UTP20: variants seen among roughly 807,000 people sequenced by gnomAD.
UTP20 encodes UTP20 small subunit processome component.
Under a neutral mutation model 329.5 loss-of-function variants are expected in UTP20, and 164 were observed. The observed-to-expected ratio is 0.50, with a 90% confidence interval of 0.44 to 0.57. The LOEUF (loss-of-function observed/expected upper bound fraction) is 0.57. Among genes scored for constraint, UTP20 ranks in the 20% least tolerant of loss-of-function variants. UTP20 has a pLI of 0.00. For synonymous variants in UTP20, 1,151 were observed against 1,159.3 expected (o/e 0.99, Z 0.14); for missense variants, 3,055 against 3,284.2 (o/e 0.93, Z 1.71).
intron 52 of UTP20, among the ~76,000 whole-genome samples, 190 bp from the exon 53 acceptor site, chr12:101,373,211 G>A (rs891343913): frequency 1.3e-5 from 2 of 152,100 alleles, no homozygotes; most frequent in African/African-American, 4.8e-5. Flanking sequence ...GTTGAAATCT[G>A]ACACACTTAC....
At chr12:101,292,194 A>G in intron 10 of UTP20, 90 bp downstream of exon 10, 1 of 1,396,796 alleles carries the variant, frequency 7.2e-7, no homozygotes, top group Non-Finnish European at 9.6e-7. Context: ...AGTGTGACAA[A>G]GGCTCTGCCC....
chr12:101,312,312 G>GGCATGAAGAAGAGAATGTGA, intron 21 of UTP20, 36 bp downstream of exon 21: 1 of 1,604,648 alleles, frequency 6.2e-7, no homozygotes, highest in African/African-American at 1.3e-5. Context: ...TCCCTGGTGG[G>GGCATGAAGAAGAGAATGTGA]GCATGAAGAA....
rs140126567 is a variant in UTP20, at chr12:101,321,612, A to T, written c.3024A>T (p.Leu1008=). The change falls in exon 25 of 62, where the codon CTA becomes CTT. Residue 1008 remains leucine, a synonymous_variant. Transcript: ENST00000261637. ...TGAAAACAGCCCACCGAGCAGATCT[A>T]TTTCCTATTCTGATGAGGTATTTAT... ...AVVKTAHRAD[L]FPILMRILYG... 5 of 1,613,506 alleles carry T rather than the reference A, an allele frequency of 3.1e-6. No individual in the cohort carries two copies. The South Asian group carries it at 3.3e-5, about 11-fold the overall frequency.
intron 2 of UTP20, among the ~76,000 whole-genome samples, chr12:101,282,446 A>G (rs375679219): frequency 3.7e-5 from 5 of 136,436 alleles, no homozygotes; most frequent in African/African-American, 1.4e-4. Flanking sequence ...CAGTGTGGTT[A>G]TAGGTGTGTA....
chr12:101,285,204 A>T (rs1161993412), intron 2 of UTP20, among the ~76,000 whole-genome samples: 1 of 152,222 alleles, frequency 6.6e-6, no homozygotes, highest in Non-Finnish European at 1.5e-5. Flanking sequence ...TTACTTCTTT[A>T]TAAGGTTGTA....
chr12:101,297,284 C>T (rs1384585561), intron 12 of UTP20, among the ~76,000 whole-genome samples: 1 of 152,166 alleles, frequency 6.6e-6, no homozygotes, highest in African/African-American at 2.4e-5. Context: ...GGCACAATCA[C>T]GGCTCACTGC....
At position 101,302,517 on chromosome 12, in the gene UTP20, A is replaced by C; in HGVS notation, c.1745A>C (p.His582Pro). The C allele has an allele frequency of 5.6e-6, 9 of 1,611,252 alleles. No individual in the cohort carries two copies. Among genetic ancestry groups the C allele is most frequent in the Non-Finnish European group, 7.6e-6 (9 of 1,179,314 alleles). ...LSLEESSELL[H>P]LVPVERVKNL... ...TTGGAAGAATCTTCTGAACTTCTTCATTTGGTTCCTGTGGAACGTGTGAAG... is the reference window on the plus strand; with the variant it reads ...TTGGAAGAATCTTCTGAACTTCTTCCTTTGGTTCCTGTGGAACGTGTGAAG... The change falls in exon 15 of 62, where the codon CAT becomes CCT. Residue 582 changes from histidine (H) to proline (P), a missense_variant. Coordinates refer to ENST00000261637, the MANE Select transcript of UTP20 (RefSeq NM_014503.3).
intron 38 of UTP20, among the ~76,000 whole-genome samples, chr12:101,350,822 C>T (rs901093410): frequency 5.3e-5 from 8 of 151,996 alleles, no homozygotes; most frequent in South Asian, 2.1e-4. Context: ...TCCTTACTCA[C>T]GCTTACTGCT....
Position 101,353,031 on chromosome 12 carries a change from C to CTTT in UTP20, c.5025-8_5025-6dup. ...ATAATCAAATGAACATTTCTGTATA[C>CTTT]TTTTTTTTTTAACAGTTTGCTAGTA... is the stretch of plus-strand genomic sequence containing the variant. On this transcript the variant is annotated splice_polypyrimidine_tract_variant and intron_variant, in intron 39 of 61. Transcript: ENST00000261637. The CTTT allele has an allele frequency of 7.4e-7, 1 of 1,342,472 alleles. No individual in the cohort carries two copies. The highest frequency in any genetic ancestry group is 1.5e-5 in the South Asian group (1 of 65,820). 83.2% of individuals were successfully genotyped at this position (1,342,472 alleles called of 1,614,324 possible). A position where few individuals can be genotyped will look rare whatever the true frequency, so the allele number is the denominator to read the frequency against.
Position 101,327,108 on chromosome 12 carries a change from G to T in UTP20, c.3069G>T (p.Lys1023Asn). The change falls in exon 26 of 62, where the codon AAG becomes AAT. Residue 1023 changes from lysine to asparagine, a missense_variant. Lys to Asn is a moderately conservative substitution (Grantham distance 94). Coordinates refer to ENST00000261637, the MANE Select transcript of UTP20 (RefSeq NM_014503.3). ...MRILYGRMKN[K>N]TGSKTQGKSA... ...TTTTGTATGGGCGAATGAAGAATAAGACTGGGAGTAAAACTCAGGGGAAAT... is the reference window on the plus strand; with the variant it reads ...TTTTGTATGGGCGAATGAAGAATAATACTGGGAGTAAAACTCAGGGGAAAT... The T allele has an allele frequency of 6.2e-7, 1 of 1,610,072 alleles. No individual in the cohort carries two copies. Among genetic ancestry groups the T allele is most frequent in the Non-Finnish European group, 8.5e-7 (1 of 1,176,706 alleles).
chr12:101,299,624 C>T, intron 12 of UTP20, 58 bp from the exon 13 acceptor site: 2 of 1,460,034 alleles, frequency 1.4e-6, no homozygotes, highest in Non-Finnish European at 1.8e-6. Context: ...TTTCAGACTT[C>T]AGAGGGCAAG....
At chr12:101,335,170 C>T (rs945957793) in intron 29 of UTP20, among the ~76,000 whole-genome samples, 10 of 151,994 alleles carry the variant, frequency 6.6e-5, no homozygotes, top group African/African-American at 2.4e-4. Flanking sequence ...CATAATACAT[C>T]CTTTGGACTG....
At chr12:101,376,895 G>A (rs184742645) in intron 56 of UTP20, among the ~76,000 whole-genome samples, 265 of 152,118 alleles carry the variant, frequency 1.7e-3, no homozygotes, top group African/African-American at 5.7e-3. Flanking sequence ...TGATCTACCC[G>A]CCTCGACCTC....
intron 5 of UTP20, among the ~76,000 whole-genome samples, chr12:101,287,747 A>G (rs933033229): frequency 3.9e-5 from 6 of 152,238 alleles, no homozygotes; most frequent in African/African-American, 1.4e-4. Context: ...TCTGTCATTC[A>G]TGCATTTGCT....
At chr12:101,282,753 C>A (rs891418886) in intron 2 of UTP20, among the ~76,000 whole-genome samples, 1 of 152,142 alleles carries the variant, frequency 6.6e-6, no homozygotes. Flanking sequence ...GTGTAACATG[C>A]CTTTAACTTG....
At chr12:101,370,038 A>T in intron 49 of UTP20, 147 bp downstream of exon 49, 1 of 614,578 alleles carries the variant, frequency 1.6e-6, no homozygotes, top group East Asian at 3.0e-5. Flanking sequence ...GCATAACGAG[A>T]CCCCGTGTCT....
At chr12:101,381,781 G>A (rs1870652657) in intron 58 of UTP20, among the ~76,000 whole-genome samples, 1 of 152,118 alleles carries the variant, frequency 6.6e-6, no homozygotes, top group Admixed American at 6.5e-5. Flanking sequence ...CACTTTGGGA[G>A]GCCGAGGCAG....
rs1272759174 is a variant in UTP20, at chr12:101,370,439, C to T, written c.6563C>T (p.Thr2188Ile). 6.2e-7 allele frequency: 1 copy of T among 1,613,212 alleles called. No homozygotes were observed. Among genetic ancestry groups the T allele is most frequent in the Non-Finnish European group, 8.5e-7 (1 of 1,179,624 alleles). ...CACTATTGTAACTTGCAGTGTGTGA[C>T]CATACTTGTCAAGAAAGTCAAGTCT... ...HLVVNCFKCV[T>I]ILVKKVKSYQ... Residue 2188 changes from threonine (T) to isoleucine (I), a missense_variant, in exon 50 of 62, where the codon ACC becomes ATC. By Grantham distance (89) the Thr-to-Ile change is moderately conservative. Coordinates refer to ENST00000261637, the MANE Select transcript of UTP20 (RefSeq NM_014503.3).
At chr12:101,374,474 T>C (rs1870407930) in intron 54 of UTP20, among the ~76,000 whole-genome samples, 1 of 152,234 alleles carries the variant, frequency 6.6e-6, no homozygotes, top group African/African-American at 2.4e-5. Context: ...ACATGTGCCC[T>C]GTGTTAATGA....
Sources: allele counts gnomAD v4.1 joint callset (sites outside exome capture counted in the v4.1 genomes callset), GRCh38; gene constraint gnomAD v4.1.1; transcripts MANE v1.5; gene names NCBI Gene and HGNC (gene_info 2026-07-23, HGNC 2026-07-21).